The following TIAM1 variants were observed in gnomAD, a reference collection of about 807,000 sequenced individuals.
TIAM1 encodes TIAM Rac1 associated GEF 1, also known as rho guanine nucleotide exchange factor TIAM1.
A neutral mutation model predicts 163.5 loss-of-function variants in TIAM1; 65 were observed. The ratio of observed to expected loss-of-function variants is 0.40; its 90% CI spans 0.33 to 0.49. TIAM1 has a LOEUF of 0.49. Ranked by LOEUF, TIAM1 falls within the 20% of genes least tolerant of loss-of-function variation. The probability of loss-of-function intolerance (pLI) is 0.77; values close to 1 mark genes in which losing one functional copy is unlikely to be tolerated. For synonymous variants in TIAM1, 833 were observed against 810.1 expected (o/e 1.03, Z -0.48); for missense variants, 1,789 against 2,044.7 (o/e 0.87, Z 2.41).
intron 1 of TIAM1, among the ~76,000 whole-genome samples, chr21:31,484,131 C>T (rs1272458080): frequency 6.6e-6 from 1 of 152,226 alleles, no homozygotes; most frequent in Non-Finnish European, 1.5e-5. Flanking sequence ...CCAGCCCTCA[C>T]CAGACACAAA....
At chr21:31,481,674 G>C (rs1032736437) in intron 1 of TIAM1, among the ~76,000 whole-genome samples, 1 of 152,142 alleles carries the variant, frequency 6.6e-6, no homozygotes, top group African/African-American at 2.4e-5. Context: ...ACACAACTCA[G>C]AAACAGCCAA....
intron 1 of TIAM1, among the ~76,000 whole-genome samples, chr21:31,511,006 C>T (rs530223983): frequency 3.9e-5 from 6 of 152,260 alleles, no homozygotes; most frequent in East Asian, 3.9e-4. Context: ...CATAGGACAA[C>T]GCCATGTGGC....
chr21:31,508,007 C>T (rs2047087696), intron 1 of TIAM1, among the ~76,000 whole-genome samples: 1 of 152,100 alleles, frequency 6.6e-6, no homozygotes, highest in African/African-American at 2.4e-5. Context: ...TGACCAATGT[C>T]CTAATAAAAA....
intron 2 of TIAM1, among the ~76,000 whole-genome samples, chr21:31,385,717 T>TAA (rs35150732): frequency 7.1e-6 from 1 of 141,300 alleles, no homozygotes; most frequent in African/African-American, 2.6e-5. Context: ...CTGGAAGATT[T>TAA]AAAAAAAAAA....
At chr21:31,425,655 TTCTTTCTC>T (rs1180401562) in intron 2 of TIAM1, among the ~76,000 whole-genome samples, 8 of 136,458 alleles carry the variant, frequency 5.9e-5, no homozygotes, top group African/African-American at 2.2e-4. Flanking sequence ...CCCTCTTTCT[TTCTTTCTC>T]TCTCTCTTTC....
intron 2 of TIAM1, among the ~76,000 whole-genome samples, chr21:31,451,696 G>GCT (rs2044847021): frequency 2.0e-5 from 1 of 49,500 alleles, no homozygotes; most frequent in South Asian, 6.1e-4. Flanking sequence ...CAGGCACCAG[G>GCT]CTGAGTGAAA....
chr21:31,401,906 A>C (rs2077171663), intron 2 of TIAM1, among the ~76,000 whole-genome samples: 1 of 148,808 alleles, frequency 6.7e-6, no homozygotes, highest in African/African-American at 2.5e-5. Context: ...GCAAGACTCT[A>C]TCTCTTAAAA....
At chr21:31,497,798 T>C (rs781419526) in intron 1 of TIAM1, among the ~76,000 whole-genome samples, 1 of 152,194 alleles carries the variant, frequency 6.6e-6, no homozygotes, top group Non-Finnish European at 1.5e-5. Flanking sequence ...AGATGTCACC[T>C]CATGAGCCAC....
intron 19 of TIAM1, 80 bp downstream of exon 19, chr21:31,152,556 T>C (rs2083428630): frequency 1.9e-6 from 3 of 1,571,716 alleles, no homozygotes; most frequent in Admixed American, 1.8e-5. Flanking sequence ...GGCCCTCCAA[T>C]GAAGACATCA....
At chr21:31,232,529 T>G (rs1312472973) in intron 6 of TIAM1, among the ~76,000 whole-genome samples, 2 of 152,096 alleles carry the variant, frequency 1.3e-5, no homozygotes, top group African/African-American at 4.8e-5. Context: ...GCTAGTTGGG[T>G]GGAGAAAAAG....
At chr21:31,431,905 C>T (rs1263367741) in intron 2 of TIAM1, among the ~76,000 whole-genome samples, 1 of 152,142 alleles carries the variant, frequency 6.6e-6, no homozygotes, top group Non-Finnish European at 1.5e-5. Flanking sequence ...AACCGAAATG[C>T]AACATGCACT....
intron 2 of TIAM1, among the ~76,000 whole-genome samples, chr21:31,365,860 TG>T: frequency 6.6e-6 from 1 of 151,840 alleles, no homozygotes; most frequent in East Asian, 2.0e-4. Flanking sequence ...CCCGGCACTT[TG>T]GAAGGCTCAG....
At chr21:31,393,978 CAAAT>C (rs1048287040) in intron 2 of TIAM1, among the ~76,000 whole-genome samples, 4 of 152,078 alleles carry the variant, frequency 2.6e-5, no homozygotes, top group Admixed American at 6.5e-5. Flanking sequence ...TAATCAGAAA[CAAAT>C]AAATTTCATT....
chr21:31,399,372 T>G (rs2077127048), intron 2 of TIAM1, among the ~76,000 whole-genome samples: 1 of 152,124 alleles, frequency 6.6e-6, no homozygotes, highest in Non-Finnish European at 1.5e-5. Context: ...TCTATTAAAG[T>G]TTTAAAAATA....
intron 2 of TIAM1, among the ~76,000 whole-genome samples, chr21:31,416,785 T>G (rs66925293): frequency 0.037 from 5,634 of 152,328 alleles, 176 homozygotes; most frequent in East Asian, 0.11. Flanking sequence ...TCAACCACTT[T>G]GCTTACATGA....
Position 31,256,418 on chromosome 21 carries a change from T to C in TIAM1, c.964-4229A>G, listed in dbSNP as rs549281691. Among the ~76,000 whole-genome samples, 4 of 152,266 alleles carry C rather than the reference T, an allele frequency of 2.6e-5. No homozygotes were observed. The South Asian group carries it at 8.3e-4, about 32-fold the overall frequency. On this transcript the variant is annotated intron_variant, in intron 4 of 27. Coordinates refer to ENST00000541036, the MANE Select transcript of TIAM1 (RefSeq NM_001353694.2). Reference sequence around the variant, plus strand: ...CTGATAGATCCAGCTTGAATACACCTGTGTTAAGATGCTAACTACAATGCA... The same window carrying C: ...CTGATAGATCCAGCTTGAATACACCCGTGTTAAGATGCTAACTACAATGCA...
At chr21:31,460,667 A>C (rs571258531) in intron 2 of TIAM1, among the ~76,000 whole-genome samples, 66 of 152,318 alleles carry the variant, frequency 4.3e-4, no homozygotes, top group Middle Eastern at 3.4e-3. Flanking sequence ...TTGAAGAACA[A>C]GTATAGACAT....
At chr21:31,346,818 G>A (rs860125), upstream of TIAM1, among the ~76,000 whole-genome samples, 35,740 of 152,014 alleles carry the variant, frequency 0.24, 4,530 homozygotes, top group East Asian at 0.44. Flanking sequence ...GGCTTACACG[G>A]GGAGCACATC....
intron 1 of TIAM1, among the ~76,000 whole-genome samples, chr21:31,517,048 C>CAAA (rs747446437): frequency 7.6e-5 from 5 of 65,368 alleles, no homozygotes; most frequent in African/African-American, 2.1e-4. Context: ...GACTCTGTCT[C>CAAA]AAAAAAAAAA....
Sources: allele counts gnomAD v4.1 joint callset (sites outside exome capture counted in the v4.1 genomes callset), GRCh38; gene constraint gnomAD v4.1.1; transcripts MANE v1.5; gene names NCBI Gene and HGNC (gene_info 2026-07-23, HGNC 2026-07-21).